The following PSPC1 variants were observed in gnomAD, a reference collection of about 807,000 sequenced individuals.
The protein encoded by PSPC1 is paraspeckle protein 1.
A neutral mutation model predicts 51.6 loss-of-function variants in PSPC1; 14 were observed. That is an observed-to-expected ratio of 0.27 (90% confidence interval 0.18 to 0.42). The LOEUF (loss-of-function observed/expected upper bound fraction) is 0.42, where lower values mean the gene tolerates loss of function less well. PSPC1 is among the 10% of genes least tolerant of loss of function. The probability of loss-of-function intolerance (pLI) is 1.00; values close to 1 mark genes in which losing one functional copy is unlikely to be tolerated. For missense variants in PSPC1, 406 were observed against 701.1 expected (o/e 0.58, Z 4.75); for synonymous variants, 193 against 231.9 (o/e 0.83, Z 1.53).
chr13:19,781,996 C>A (rs1037167573), intron 1 of PSPC1, among the ~76,000 whole-genome samples: 1 of 152,202 alleles, frequency 6.6e-6, no homozygotes, highest in Non-Finnish European at 1.5e-5. Flanking sequence ...TTGAAGAATT[C>A]TCACCCCAAA....
chr13:19,716,646 T>A (rs1264977821), intron 6 of PSPC1, among the ~76,000 whole-genome samples: 2 of 152,168 alleles, frequency 1.3e-5, no homozygotes, highest in African/African-American at 4.8e-5. Flanking sequence ...GTAGAACATT[T>A]AAATCCACTA....
chr13:19,747,943 G>C (rs1886159531), intron 4 of PSPC1, among the ~76,000 whole-genome samples: 1 of 152,232 alleles, frequency 6.6e-6, no homozygotes, highest in East Asian at 1.9e-4. Flanking sequence ...GCCGGGTACA[G>C]TGGCTTATGC....
At chr13:19,735,723 T>C (rs79487386) in intron 5 of PSPC1, among the ~76,000 whole-genome samples, 2,108 of 152,312 alleles carry the variant, frequency 0.014, 30 homozygotes, top group Middle Eastern at 0.048. Context: ...TTCAATTTAA[T>C]TGTGACAATT....
chr13:19,748,081 T>C (rs1459431001), intron 4 of PSPC1, among the ~76,000 whole-genome samples: 2 of 152,104 alleles, frequency 1.3e-5, no homozygotes, highest in African/African-American at 4.8e-5. Context: ...GGCGTGGTGG[T>C]GTACACCTGT....
intron 3 of PSPC1, among the ~76,000 whole-genome samples, chr13:19,752,908 T>G (rs1886706599): frequency 6.6e-6 from 1 of 151,738 alleles, no homozygotes; most frequent in African/African-American, 2.4e-5. Flanking sequence ...TTTAAGAATT[T>G]TTGTTGTTGG....
intron 4 of PSPC1, among the ~76,000 whole-genome samples, chr13:19,750,031 T>C (rs997589961): frequency 2.4e-4 from 36 of 152,234 alleles, no homozygotes; most frequent in Middle Eastern, 3.4e-3. Context: ...TACGAAATAC[T>C]AGAACACACA....
intron 6 of PSPC1, among the ~76,000 whole-genome samples, chr13:19,694,758 T>C (rs775931103): frequency 7.9e-5 from 12 of 152,214 alleles, no homozygotes; most frequent in Admixed American, 2.0e-4. Context: ...CTAGGATGGT[T>C]CAGCTTCAGG....
intron 1 of PSPC1, among the ~76,000 whole-genome samples, chr13:19,780,896 C>T (rs1889885682): frequency 6.6e-6 from 1 of 152,056 alleles, no homozygotes; most frequent in Non-Finnish European, 1.5e-5. Context: ...AGTGGCTCAC[C>T]CTGTAATCCC....
intron 5 of PSPC1, among the ~76,000 whole-genome samples, chr13:19,734,464 A>G (rs1884519020): frequency 6.6e-6 from 1 of 152,210 alleles, no homozygotes; most frequent in Admixed American, 6.6e-5. Flanking sequence ...CACAGAGCCC[A>G]AGACAGAAGA....
intron 5 of PSPC1, 99 bp downstream of exon 5, chr13:19,741,466 T>C: frequency 2.4e-6 from 2 of 827,778 alleles, no homozygotes; most frequent in Non-Finnish European, 3.8e-6. Flanking sequence ...TTTTTCTATT[T>C]TTCCTGTGAT....
At chr13:19,780,027 G>A (rs1889750563) in intron 1 of PSPC1, among the ~76,000 whole-genome samples, 6 of 132,144 alleles carry the variant, frequency 4.5e-5, no homozygotes, top group South Asian at 2.5e-4. Flanking sequence ...CAGCCCCCCT[G>A]CCCGGCCAGC....
At chr13:19,756,779 G>A (rs576598127) in intron 3 of PSPC1, among the ~76,000 whole-genome samples, 247 of 152,020 alleles carry the variant, frequency 1.6e-3, no homozygotes, top group African/African-American at 5.5e-3. Context: ...ACACGTGTAA[G>A]CCACTGTGCC....
intron 6 of PSPC1, among the ~76,000 whole-genome samples, chr13:19,715,716 A>T (rs537741548): frequency 2.0e-4 from 30 of 152,278 alleles, no homozygotes; most frequent in African/African-American, 7.2e-4. Flanking sequence ...TCACACAGTG[A>T]GACACTGTCT....
At chr13:19,697,396 T>C (rs1879389582) in intron 6 of PSPC1, among the ~76,000 whole-genome samples, 1 of 152,198 alleles carries the variant, frequency 6.6e-6, no homozygotes, top group Non-Finnish European at 1.5e-5. Context: ...CACTGTTGTA[T>C]CTTAAGCCCT....
intron 6 of PSPC1, among the ~76,000 whole-genome samples, chr13:19,713,867 C>CATA (rs1293313089): frequency 5.3e-5 from 8 of 152,170 alleles, no homozygotes; most frequent in African/African-American, 1.7e-4. Flanking sequence ...GTTTTCCCAG[C>CATA]ACTAAGATAC....
intron 4 of PSPC1, among the ~76,000 whole-genome samples, chr13:19,747,448 A>C (rs575334103): frequency 8.5e-5 from 13 of 152,112 alleles, no homozygotes; most frequent in Admixed American, 8.5e-4. Flanking sequence ...CCTCCCACCT[A>C]AGCCTTCCCA....
downstream of PSPC1, chr13:19,672,834 TCA>T: frequency 3.2e-6 from 1 of 311,156 alleles, no homozygotes; most frequent in Non-Finnish European, 6.3e-6. Context: ...GCGTGGTGGC[TCA>T]CACCTATAAT....
intron 6 of PSPC1, among the ~76,000 whole-genome samples, chr13:19,683,061 C>T (rs1226363499): frequency 6.6e-6 from 1 of 151,944 alleles, no homozygotes; most frequent in South Asian, 2.1e-4. Context: ...GAGTGAGATC[C>T]TGTCTCAAAA....
At chr13:19,715,492 A>T (rs1881983064) in intron 6 of PSPC1, among the ~76,000 whole-genome samples, 1 of 152,192 alleles carries the variant, frequency 6.6e-6, no homozygotes, top group South Asian at 2.1e-4. Flanking sequence ...CAAAATCCAA[A>T]ACTTTTTAAA....
Sources: allele counts gnomAD v4.1 joint callset (sites outside exome capture counted in the v4.1 genomes callset), GRCh38; gene constraint gnomAD v4.1.1; transcripts MANE v1.5; gene names NCBI Gene and HGNC (gene_info 2026-07-23, HGNC 2026-07-21).